The following F11 variants were observed in gnomAD, a reference collection of about 807,000 sequenced individuals.
F11 encodes the protein coagulation factor XI.
Under a neutral mutation model 76.5 loss-of-function variants are expected in F11, and 78 were observed. The ratio of observed to expected loss-of-function variants is 1.02; its 90% CI spans 0.85 to 1.23. The LOEUF is 1.23. Among genes scored for constraint, F11 ranks in the 50% most tolerant of loss-of-function variants. The pLI is 0.00. For missense variants in F11, 742 were observed against 771.4 expected, an observed-to-expected ratio of 0.96 and a Z score of 0.45; for synonymous variants, 278 against 276.3, an observed-to-expected ratio of 1.01 and a Z score of -0.06.
chr4:186,270,202 C>T (rs942435002), intron 2 of F11, among the ~76,000 whole-genome samples: 2 of 152,170 alleles, frequency 1.3e-5, no homozygotes, highest in East Asian at 3.8e-4. Context: ...AGTCTCGATA[C>T]AACGTCAATA....
chr4:186,267,480 G>T (rs796771757), intron 2 of F11, among the ~76,000 whole-genome samples: 3 of 152,256 alleles, frequency 2.0e-5, no homozygotes, highest in African/African-American at 7.2e-5. Context: ...AAGAAATCTT[G>T]ATTTGCCTCA....
In F11 at chr4:186,284,113, C is replaced by G. The variant is rs756583258; in HGVS notation, c.1157C>G (p.Pro386Arg). 1 of 1,614,130 alleles carries G rather than the reference C, an allele frequency of 6.2e-7. No homozygotes were observed. Among genetic ancestry groups the G allele is most frequent in the South Asian group, 1.1e-5 (1 of 91,084 alleles). The change falls in exon 11 of 15, where the codon CCC (proline) becomes CGC (arginine). Residue 386 changes from proline (P) to arginine (R), a missense_variant. Physicochemically the swap from Pro to Arg is moderately radical, Grantham distance 103. Transcript: ENST00000403665. ...GCAGAGTGTACCACCAAAATCAAGC[C>G]CAGGATCGTTGGAGGAACTGCGTCT... is the stretch of plus-strand genomic sequence containing the variant. ...MDNECTTKIKPRIVGGTASVR... is the reference protein window; with the variant it reads ...MDNECTTKIKRRIVGGTASVR...
chr4:186,274,102 GC>G lies in F11; in HGVS notation c.326-13del. The G allele has an allele frequency of 6.2e-7, 1 of 1,614,120 alleles. No homozygotes were observed. Among genetic ancestry groups the G allele is most frequent in the Non-Finnish European group, 8.5e-7 (1 of 1,179,978 alleles). On this transcript the variant is annotated splice_polypyrimidine_tract_variant and intron_variant, in intron 4 of 14. Transcript: ENST00000403665. ...AATCTGGAAGGTACTCATGTCTTCT[GC>G]TTTTATTTCCAGCTTGCAACAAAGA...
At position 186,289,131 on chromosome 4, in the gene F11, G is replaced by C. The variant is rs912019922; in HGVS notation, c.*517G>C. 3.8e-5 allele frequency: 6 copies of C among 158,598 alleles called. No homozygotes were observed. The highest frequency in any genetic ancestry group is 1.4e-4 in the African/African-American group (6 of 41,430). 9.8% of individuals were successfully genotyped at this position (158,598 alleles called of 1,614,324 possible). On this transcript the variant is annotated 3_prime_UTR_variant, in exon 15 of 15. Coordinates refer to ENST00000403665, the MANE Select transcript of F11 (RefSeq NM_000128.4). ...AATGGCAGATTTTCAGAATAGTCAG[G>C]AATTCTTGTCATTTCCATTTTAAAA... is the stretch of plus-strand genomic sequence containing the variant.
intron 1 of F11, among the ~76,000 whole-genome samples, chr4:186,266,870 G>C (rs1393633324): frequency 6.6e-6 from 1 of 152,088 alleles, no homozygotes; most frequent in Non-Finnish European, 1.5e-5. Flanking sequence ...GGCGGGGCCG[G>C]CGGGGAAGGA....
At chr4:186,275,072 G>A (rs974188714) in intron 5 of F11, 3 of 392,202 alleles carry the variant, frequency 7.6e-6, no homozygotes, top group Non-Finnish European at 1.5e-5. Context: ...TTCATGATTT[G>A]ACTTGTAAGG....
At chr4:186,290,670 G>GAT (rs1398860078), downstream of F11, 2 of 152,122 alleles carry the variant, frequency 1.3e-5, no homozygotes, top group African/African-American at 2.4e-5. Flanking sequence ...AGTTCTATAA[G>GAT]ATATAAAATA....
intron 11 of F11, among the ~76,000 whole-genome samples, chr4:186,285,397 CGTGT>C (rs377511129): frequency 6.6e-6 from 1 of 151,032 alleles, no homozygotes; most frequent in Admixed American, 6.6e-5. Flanking sequence ...CGGGTGTGTG[CGTGT>C]GTGTGTGTTG....
At chr4:186,284,032 C>A in intron 10 of F11, 60 bp from the exon 11 acceptor site, 1 of 1,612,818 alleles carries the variant, frequency 6.2e-7, no homozygotes, top group South Asian at 1.1e-5. Context: ...CCTGAAGGAG[C>A]ATAATTACTG....
In F11 at chr4:186,269,484, A is replaced by C. The variant is rs1739760205; in HGVS notation, c.56-2125A>C. ...CCTTGAGGACATTACGCTAAGTGAA[A>C]TAAGCCAGTCACAAAAGAACAAATA... On this transcript the variant is annotated intron_variant, in intron 2 of 14. Transcript: ENST00000403665. Among the ~76,000 whole-genome samples the C allele has an allele frequency of 2.6e-5, 4 of 152,252 alleles. No individual in the cohort carries two copies. The South Asian group carries it at 8.3e-4, about 31-fold the overall frequency.
At chr4:186,277,974 T>C (rs1740508660) in intron 7 of F11, among the ~76,000 whole-genome samples, 1 of 152,152 alleles carries the variant, frequency 6.6e-6, no homozygotes. Flanking sequence ...TAATGTTTGT[T>C]TTTTTGTAGA....
At chr4:186,283,979 G>T (rs1379442308) in intron 10 of F11, 113 bp from the exon 11 acceptor site, 1 of 1,541,158 alleles carries the variant, frequency 6.5e-7, no homozygotes, top group Non-Finnish European at 8.9e-7. Flanking sequence ...GTAACTCAGG[G>T]TCATGATAAA....
chr4:186,269,999 G>T (rs1454227183), intron 2 of F11, among the ~76,000 whole-genome samples: 1 of 152,160 alleles, frequency 6.6e-6, no homozygotes, highest in Non-Finnish European at 1.5e-5. Flanking sequence ...AATAGGACAA[G>T]AATACTTCCC....
rs1379355996 is a variant in F11 at position 186,280,962 on chromosome 4, T to C, written c.1135+382T>C. ...CAGCCTCTGGCTTGAACTCCTGGAC[T>C]CGAACAATCCTCCCACCTTAGCTCC... On this transcript the variant is annotated intron_variant, in intron 10 of 14. Transcript: ENST00000403665. Among the ~76,000 whole-genome samples, 17 of 150,344 alleles carry C rather than the reference T, an allele frequency of 1.1e-4. No individual in the cohort carries two copies. In the Admixed American group the frequency reaches 1.1e-3, roughly 10 times the overall value.
At chr4:186,270,749 A>C (rs1412728814) in intron 2 of F11, among the ~76,000 whole-genome samples, 1 of 152,092 alleles carries the variant, frequency 6.6e-6, no homozygotes, top group Non-Finnish European at 1.5e-5. Context: ...GCTGGATTGC[A>C]GTGGTAAAAT....
At chr4:186,278,010 G>T (rs965748096) in intron 7 of F11, among the ~76,000 whole-genome samples, 1 of 152,116 alleles carries the variant, frequency 6.6e-6, no homozygotes, top group Non-Finnish European at 1.5e-5. Flanking sequence ...TGTTGGCCAG[G>T]CTGGTCTAGA....
At chr4:186,283,825 T>C (rs899516550) in intron 10 of F11, among the ~76,000 whole-genome samples, 3 of 152,170 alleles carry the variant, frequency 2.0e-5, no homozygotes, top group Non-Finnish European at 4.4e-5. Context: ...ACCATTCACG[T>C]TATCATTTGA....
At chr4:186,272,306 C>T (rs1740039407) in intron 3 of F11, among the ~76,000 whole-genome samples, 1 of 152,052 alleles carries the variant, frequency 6.6e-6, no homozygotes, top group Admixed American at 6.6e-5. Flanking sequence ...CACTTTACCC[C>T]TAAATACTTC....
intron 10 of F11, chr4:186,282,863 T>C (rs779477145): frequency 4.2e-4 from 417 of 985,144 alleles, no homozygotes; most frequent in Non-Finnish European, 4.8e-4. Flanking sequence ...TCTCCTCCTA[T>C]TTGAAATCTG....
Sources: gnomAD v4.1 joint callset for allele counts (sites outside exome capture counted in the v4.1 genomes callset) on GRCh38, gnomAD v4.1.1 for gene constraint, MANE v1.5 for transcripts, NCBI Gene and HGNC (gene_info 2026-07-23, HGNC 2026-07-21) for gene names.